Variants in CSMD1 observed in about 807,000 individuals in gnomAD.
The protein encoded by CSMD1 is CUB and Sushi multiple domains 1.
CSMD1 carries 213 observed loss-of-function variants against 417.5 expected under a neutral mutation model. That is an observed-to-expected ratio of 0.51 (90% CI 0.46 to 0.57). CSMD1 has a LOEUF of 0.57. Ranked by LOEUF, CSMD1 falls within the 20% of genes least tolerant of loss-of-function variation. The pLI is 0.00. For missense variants in CSMD1, 6,923 were observed against 4,529.7 expected, an observed-to-expected ratio of 1.53 and a Z score of -15.17; for synonymous variants, 2,862 against 1,736.8, an observed-to-expected ratio of 1.65 and a Z score of -16.11.
intron 8 of CSMD1, among the ~76,000 whole-genome samples, chr8:3,603,133 A>G (rs1168503300): frequency 6.6e-6 from 1 of 152,188 alleles, no homozygotes; most frequent in Non-Finnish European, 1.5e-5. Context: ...AAGGAGTGTC[A>G]ATGGGATATT....
intron 3 of CSMD1, among the ~76,000 whole-genome samples, chr8:4,143,883 G>A (rs6982149): frequency 2.7e-5 from 4 of 150,922 alleles, no homozygotes; most frequent in East Asian, 3.9e-4. Flanking sequence ...TCTGGATGAA[G>A]AATTTGGTCC....
intron 3 of CSMD1, among the ~76,000 whole-genome samples, chr8:4,106,758 G>A (rs553721330): frequency 6.6e-6 from 1 of 152,260 alleles, no homozygotes; most frequent in Non-Finnish European, 1.5e-5. Flanking sequence ...ACCCCGCACA[G>A]CTAGTGATCA....
chr8:3,817,292 T>TTTTTTTTA (rs1563109891), intron 5 of CSMD1, among the ~76,000 whole-genome samples: 2 of 93,546 alleles, frequency 2.1e-5, no homozygotes, highest in African/African-American at 1.1e-4. Context: ...TTTTTTTTTT[T>TTTTTTTTA]TTTTTTGAGA....
chr8:4,133,294 G>T (rs543651735), intron 3 of CSMD1, among the ~76,000 whole-genome samples: 2 of 152,144 alleles, frequency 1.3e-5, no homozygotes, highest in Admixed American at 6.5e-5. Flanking sequence ...TTGCTTAAAA[G>T]TCTAAGTTTA....
At chr8:3,422,707 C>G (rs1813572604) in intron 12 of CSMD1, among the ~76,000 whole-genome samples, 1 of 152,150 alleles carries the variant, frequency 6.6e-6, no homozygotes, top group Admixed American at 6.5e-5. Context: ...TTTTCATCGT[C>G]TTAGTCCCCT....
intron 1 of CSMD1, among the ~76,000 whole-genome samples, chr8:4,925,604 T>C (rs1477365449): frequency 6.6e-6 from 1 of 151,578 alleles, no homozygotes; most frequent in Non-Finnish European, 1.5e-5. Context: ...TGGAGTGCAG[T>C]GGTGCAGTCT....
chr8:3,042,918 T>C (rs1447418180), intron 50 of CSMD1, among the ~76,000 whole-genome samples: 1 of 151,558 alleles, frequency 6.6e-6, no homozygotes, highest in Non-Finnish European at 1.5e-5. Context: ...AAGGTCACTA[T>C]GGTGATATAT....
At chr8:3,512,027 G>A (rs1222195955) in intron 10 of CSMD1, among the ~76,000 whole-genome samples, 1 of 152,028 alleles carries the variant, frequency 6.6e-6, no homozygotes, top group Admixed American at 6.6e-5. Context: ...CCCGCTCCCT[G>A]GGCATTCCCC....
At chr8:2,979,265 T>C (rs1805200990) in intron 54 of CSMD1, among the ~76,000 whole-genome samples, 2 of 152,324 alleles carry the variant, frequency 1.3e-5, no homozygotes, top group South Asian at 4.1e-4. Context: ...ATAATTTTGC[T>C]CTATGTAGAA....
chr8:4,031,923 G>A lies in CSMD1; in HGVS notation c.592C>T (p.Pro198Ser), dbSNP rs1009413679. 6.8e-6 allele frequency: 11 copies of A among 1,613,596 alleles called. No homozygotes were observed. Among genetic ancestry groups the A allele is most frequent in the Non-Finnish European group, 9.3e-6 (11 of 1,179,746 alleles). Residue 198 changes from proline to serine, a missense_variant, in exon 4 of 70, where the codon CCA becomes TCA. Physicochemically the swap from Pro to Ser is moderately conservative, Grantham distance 74 (BLOSUM62 -1). Transcript: ENST00000635120. Reference protein sequence around the residue: ...SPGNGASWDFPAPFCRAEGAC... With the variant: ...SPGNGASWDFSAPFCRAEGAC... The stretch of plus-strand genomic sequence containing the variant: ...ACTGTACCTCTGCAAAAGGGAGCTG[G>A]GAAGTCCCACGATGCACCATTTCCT...
chr8:3,642,101 T>C (rs1797337298), intron 7 of CSMD1, among the ~76,000 whole-genome samples: 1 of 151,976 alleles, frequency 6.6e-6, no homozygotes, highest in South Asian at 2.1e-4. Context: ...AGATACAGCC[T>C]ACAGCCACTC....
At position 3,952,320 on chromosome 8, in the gene CSMD1, T is replaced by C. The variant is rs73509619; in HGVS notation, c.818+45583A>G. Among the ~76,000 whole-genome samples the C allele has an allele frequency of 4.3e-3, 652 of 152,292 alleles. 7 individuals carry two copies. Among genetic ancestry groups the C allele is most frequent in the African/African-American group, 0.015 (634 of 41,556 alleles). On this transcript the variant is annotated intron_variant, in intron 5 of 69. Transcript: ENST00000635120. ...AAAGGTGTCGTGGCTATAAATTGCA[T>C]GCAGAAGCCAATAGAATAATTCAAC...
chr8:3,775,397 TGACTC>T (rs1355313839), intron 5 of CSMD1, among the ~76,000 whole-genome samples: 1 of 152,150 alleles, frequency 6.6e-6, no homozygotes, highest in Non-Finnish European at 1.5e-5. Flanking sequence ...CCCAGGTACC[TGACTC>T]AAATTACACA....
At chr8:4,338,048 T>C (rs1278028072) in intron 3 of CSMD1, among the ~76,000 whole-genome samples, 1 of 152,182 alleles carries the variant, frequency 6.6e-6, no homozygotes, top group Admixed American at 6.6e-5. Context: ...AAGAATCTGC[T>C]TCAATAAAGC....
intron 1 of CSMD1, among the ~76,000 whole-genome samples, chr8:4,750,395 C>A (rs1228344455): frequency 1.3e-5 from 2 of 152,136 alleles, no homozygotes; most frequent in African/African-American, 2.4e-5. Flanking sequence ...TATCAAGATT[C>A]AATTTCCTTA....
intron 3 of CSMD1, among the ~76,000 whole-genome samples, chr8:4,267,629 AT>A: frequency 6.7e-6 from 1 of 149,990 alleles, no homozygotes; most frequent in Non-Finnish European, 1.5e-5. Flanking sequence ...TTAAATATTA[AT>A]AATTAAATAC....
chr8:4,359,305 G>T (rs140821255), intron 3 of CSMD1, among the ~76,000 whole-genome samples: 5 of 152,284 alleles, frequency 3.3e-5, no homozygotes, highest in Non-Finnish European at 7.3e-5. Flanking sequence ...TATGGCTGCA[G>T]TGCATTATTG....
intron 3 of CSMD1, among the ~76,000 whole-genome samples, chr8:4,133,182 C>G (rs915398081): frequency 1.3e-5 from 2 of 152,078 alleles, no homozygotes. Context: ...GTGATCTGCC[C>G]ACCTCATCCT....
intron 49 of CSMD1, among the ~76,000 whole-genome samples, chr8:3,054,335 G>A (rs1812069995): frequency 6.6e-6 from 1 of 152,156 alleles, no homozygotes; most frequent in Non-Finnish European, 1.5e-5. Flanking sequence ...AAATACATGT[G>A]GGCCGGGCAC....
Sources: gnomAD v4.1 joint callset for allele counts (sites outside exome capture counted in the v4.1 genomes callset) on GRCh38, gnomAD v4.1.1 for gene constraint, MANE v1.5 for transcripts, NCBI Gene and HGNC (gene_info 2026-07-23, HGNC 2026-07-21) for gene names.